RALGPS2: variants seen among roughly 807,000 people sequenced by gnomAD.
The protein encoded by RALGPS2 is Ral GEF with PH domain and SH3 binding motif 2.
A neutral mutation model predicts 86.8 loss-of-function variants in RALGPS2; 43 were observed. The observed-to-expected ratio is 0.50, with a 90% CI of 0.39 to 0.64. RALGPS2 has a LOEUF of 0.64. Ranked by LOEUF, RALGPS2 falls within the 30% of genes least tolerant of loss-of-function variation. The pLI is 0.00. For synonymous variants in RALGPS2, 243 were observed against 231.3 expected, an observed-to-expected ratio of 1.05 and a Z score of -0.46; for missense variants, 536 against 694.6, an observed-to-expected ratio of 0.77 and a Z score of 2.57.
chr1:178,773,527 T>G (rs1012421085), intron 1 of RALGPS2, among the ~76,000 whole-genome samples: 8 of 152,244 alleles, frequency 5.3e-5, no homozygotes, highest in Non-Finnish European at 4.4e-5. Context: ...CTCTGTCTTT[T>G]AGAACTTGTA....
At chr1:178,859,401 CTTTTTTT>C (rs543947031) in intron 8 of RALGPS2, among the ~76,000 whole-genome samples, 1 of 122,900 alleles carries the variant, frequency 8.1e-6, no homozygotes, top group Non-Finnish European at 1.7e-5. Context: ...CCAAGTTTAA[CTTTTTTT>C]TTTTTTTTTT....
At chr1:178,731,601 TG>T (rs1287551938) in intron 1 of RALGPS2, among the ~76,000 whole-genome samples, 1 of 152,088 alleles carries the variant, frequency 6.6e-6, no homozygotes, top group East Asian at 1.9e-4. Flanking sequence ...TAGTTTGAAG[TG>T]GTTGTTGAAA....
chr1:178,870,300 A>G (rs554724437), intron 8 of RALGPS2, among the ~76,000 whole-genome samples: 3 of 152,298 alleles, frequency 2.0e-5, no homozygotes, highest in African/African-American at 4.8e-5. Flanking sequence ...GAGAAATCCA[A>G]CAGTTTATGT....
At chr1:178,857,512 G>A (rs1657670239) in intron 8 of RALGPS2, among the ~76,000 whole-genome samples, 2 of 152,110 alleles carry the variant, frequency 1.3e-5, no homozygotes, top group South Asian at 2.1e-4. Flanking sequence ...GTTATGTAGC[G>A]CACATGGTAG....
chr1:178,826,733 A>AAT (rs1313724871), intron 7 of RALGPS2, among the ~76,000 whole-genome samples: 9 of 152,354 alleles, frequency 5.9e-5, no homozygotes, highest in African/African-American at 2.2e-4. Context: ...AAAGTGGTTG[A>AAT]ATATATGAGC....
chr1:178,761,196 G>A (rs972395140), intron 1 of RALGPS2, among the ~76,000 whole-genome samples: 8 of 151,988 alleles, frequency 5.3e-5, no homozygotes, highest in South Asian at 2.1e-4. Flanking sequence ...GGCTGGTCTC[G>A]ATCTTCTGGC....
chr1:178,886,005 T>C lies in RALGPS2; in HGVS notation c.1077T>C (p.Ser359=), dbSNP rs377226954. The change falls in exon 13 of 20, where the codon AGT becomes AGC. Residue 359 remains serine, a synonymous_variant. Transcript: ENST00000367635. ...AAATGAACACAGCAGAATTTAAGAG[T>C]GCAACGTTTCCAAATGCAGGACCAA... ...IHKMNTAEFK[S]ATFPNAGPRH... The C allele has an allele frequency of 3.1e-6, 5 of 1,611,364 alleles. No homozygotes were observed. Among genetic ancestry groups the C allele is most frequent in the Non-Finnish European group, 4.2e-6 (5 of 1,178,718 alleles).
At chr1:178,806,165 A>G (rs1375328109) in intron 4 of RALGPS2, among the ~76,000 whole-genome samples, 3 of 151,980 alleles carry the variant, frequency 2.0e-5, no homozygotes, top group Non-Finnish European at 4.4e-5. Flanking sequence ...GTTTGTTTTG[A>G]TAAAGCACAT....
At chr1:178,849,104 C>T (rs1003304736) in intron 8 of RALGPS2, among the ~76,000 whole-genome samples, 15 of 152,066 alleles carry the variant, frequency 9.9e-5, no homozygotes, top group African/African-American at 3.4e-4. Flanking sequence ...TTTATTTGAT[C>T]GTCACAAAAA....
chr1:178,860,400 A>G (rs895296674), intron 8 of RALGPS2, among the ~76,000 whole-genome samples: 4 of 152,114 alleles, frequency 2.6e-5, no homozygotes, highest in African/African-American at 9.7e-5. Context: ...TCTTATAACC[A>G]TTTTTAAAGA....
intron 8 of RALGPS2, among the ~76,000 whole-genome samples, chr1:178,841,666 G>C (rs1417517908): frequency 1.4e-5 from 1 of 69,402 alleles, no homozygotes; most frequent in Non-Finnish European, 2.9e-5. Flanking sequence ...TTAGACAGGA[G>C]AAGGAAATAA....
intron 8 of RALGPS2, among the ~76,000 whole-genome samples, chr1:178,862,547 C>G (rs548991428): frequency 3.9e-5 from 6 of 152,226 alleles, no homozygotes; most frequent in African/African-American, 1.2e-4. Context: ...ACGATCACTT[C>G]AAACCTGTAG....
intron 8 of RALGPS2, among the ~76,000 whole-genome samples, chr1:178,860,829 G>T (rs1657954084): frequency 6.6e-6 from 1 of 152,134 alleles, no homozygotes; most frequent in South Asian, 2.1e-4. Context: ...TGGTGCCAGA[G>T]CATACATAAG....
At chr1:178,844,097 C>T (rs1372110719) in intron 8 of RALGPS2, among the ~76,000 whole-genome samples, 4 of 152,110 alleles carry the variant, frequency 2.6e-5, no homozygotes, top group African/African-American at 9.7e-5. Flanking sequence ...ATAGAAGTTG[C>T]CCTAAGAACA....
At chr1:178,887,043 T>C (rs1659517623) in intron 13 of RALGPS2, among the ~76,000 whole-genome samples, 2 of 152,136 alleles carry the variant, frequency 1.3e-5, no homozygotes, top group African/African-American at 2.4e-5. Context: ...GAGCAGAAAA[T>C]AGAGACCATA....
intron 8 of RALGPS2, among the ~76,000 whole-genome samples, chr1:178,856,546 T>C (rs2102308566): frequency 6.6e-6 from 1 of 150,966 alleles, no homozygotes; most frequent in Non-Finnish European, 1.5e-5. Flanking sequence ...CATGAGCCAC[T>C]CCACCCAGCC....
At chr1:178,825,057 A>G (rs570810517) in intron 7 of RALGPS2, among the ~76,000 whole-genome samples, 1 of 152,286 alleles carries the variant, frequency 6.6e-6, no homozygotes, top group African/African-American at 2.4e-5. Context: ...TGTGTTAACT[A>G]AGAAAACGTA....
intron 1 of RALGPS2, among the ~76,000 whole-genome samples, chr1:178,770,634 G>A (rs1467549183): frequency 6.7e-6 from 1 of 149,468 alleles, no homozygotes; most frequent in Non-Finnish European, 1.5e-5. Flanking sequence ...CCACCACCAG[G>A]CCTGGCAAAT....
At chr1:178,893,475 A>G (rs1207051526) in intron 15 of RALGPS2, among the ~76,000 whole-genome samples, 1 of 131,142 alleles carries the variant, frequency 7.6e-6, no homozygotes, top group Non-Finnish European at 1.7e-5. Context: ...TTGAGCTTGT[A>G]TTTTTATTTT....
Sources: allele counts gnomAD v4.1 joint callset (sites outside exome capture counted in the v4.1 genomes callset), GRCh38; gene constraint gnomAD v4.1.1; transcripts MANE v1.5; gene names NCBI Gene and HGNC (gene_info 2026-07-23, HGNC 2026-07-21).